SCUBE3: variants seen among roughly 807,000 people sequenced by gnomAD.
The protein encoded by SCUBE3 is signal peptide, CUB domain and EGF like domain containing 3, also known as signal peptide, CUB and EGF-like domain-containing protein 3.
Under a neutral mutation model 116.8 loss-of-function variants are expected in SCUBE3, and 33 were observed. That is an observed-to-expected ratio of 0.28 (90% CI 0.21 to 0.38). The LOEUF (loss-of-function observed/expected upper bound fraction) is 0.38, where lower values mean the gene tolerates loss of function less well. Ranked by LOEUF, SCUBE3 falls within the 10% of genes least tolerant of loss-of-function variation. The pLI, the probability that SCUBE3 is intolerant of heterozygous loss-of-function variation, is 1.00. For missense variants in SCUBE3, 1,007 were observed against 1,324.8 expected, an observed-to-expected ratio of 0.76 and a Z score of 3.72; for synonymous variants, 418 against 496.9, an observed-to-expected ratio of 0.84 and a Z score of 2.11.
rs1488949436 is a variant in SCUBE3, at chr6:35,252,872, A to T, written c.*4167A>T. 6.6e-6 allele frequency: 1 copy of T among 152,222 alleles called. No individual in the cohort carries two copies. Among genetic ancestry groups the T allele is most frequent in the Admixed American group, 6.5e-5 (1 of 15,284 alleles). 9.4% of individuals were successfully genotyped at this position (152,222 alleles called of 1,614,324 possible). On this transcript the variant is annotated 3_prime_UTR_variant, in exon 22 of 22. Coordinates refer to ENST00000274938, the MANE Select transcript of SCUBE3 (RefSeq NM_152753.4). Reference sequence around the variant, plus strand: ...TGGGAGGCTTTTTGTTAAATGCAGAAGAAATTTCAAAATATTGTATTTATA... The same window carrying T: ...TGGGAGGCTTTTTGTTAAATGCAGATGAAATTTCAAAATATTGTATTTATA...
rs1341494169 is a variant in SCUBE3 at position 35,228,755 on chromosome 6, G to A, written c.334+16G>A. On this transcript the variant is annotated intron_variant, in intron 3 of 21. Transcript: ENST00000274938. The surrounding 1 kb of genome is among the most constrained non-coding windows in gnomAD (Gnocchi z 4.9). ...AACTGTCTGGGTAAGCAAAGGAGAG[G>A]GGATTTGGTGGAGGGATGTCTTGTG... 1.2e-6 allele frequency: 2 copies of A among 1,613,380 alleles called. No homozygotes were observed. Among genetic ancestry groups the A allele is most frequent in the Admixed American group, 1.7e-5 (1 of 60,020 alleles).
rs1246001634 is a variant in SCUBE3 at position 35,233,189 on chromosome 6, A to G, written c.600A>G (p.Thr200=). ...LTKNQRDCKL[T]CNYGNGGCQH... is the part of the protein sequence containing the mutation. ...CCCTGTCCTCTCTGTGCACAGTGAC[A>G]TGCAACTATGGTAACGGCGGCTGCC... Residue 200 remains threonine (T), a synonymous_variant, in exon 6 of 22, where the codon ACA becomes ACG. Transcript: ENST00000274938. This position sits in a 1 kb window ranked among gnomAD's most constrained non-coding sequence, Gnocchi z 5.7. The G allele has an allele frequency of 1.2e-6, 2 of 1,610,790 alleles. No homozygotes were observed. The highest frequency in any genetic ancestry group is 8.5e-7 in the Non-Finnish European group (1 of 1,177,040).
In SCUBE3 at chr6:35,231,754, GGCTGTCAGCAGA is replaced by G; in HGVS notation, c.370_381del (p.Gln124_Cys127del). On this transcript the variant is annotated inframe_deletion, in exon 4 of 22. Coordinates refer to ENST00000274938, the MANE Select transcript of SCUBE3 (RefSeq NM_152753.4). The surrounding 1 kb of genome is among the most constrained non-coding windows in gnomAD (Gnocchi z 4.2). Reference sequence around the variant, plus strand: ...GGACGAGTGTGCCGAGGGCAACGGCGGCTGTCAGCAGAGCTGTGTCAACATGATGGGCAGCTA... The same window carrying G: ...GGACGAGTGTGCCGAGGGCAACGGCGGCTGTGTCAACATGATGGGCAGCTA... The G allele has an allele frequency of 6.2e-7, 1 of 1,613,238 alleles. No homozygotes were observed. Among genetic ancestry groups the G allele is most frequent in the Non-Finnish European group, 8.5e-7 (1 of 1,179,328 alleles).
intron 1 of SCUBE3, among the ~76,000 whole-genome samples, chr6:35,225,357 G>T (rs896465920): frequency 1.3e-5 from 2 of 152,216 alleles, no homozygotes; most frequent in Non-Finnish European, 2.9e-5. Flanking sequence ...ACATTTCTTT[G>T]TACTGTTTTC....
chr6:35,246,524 C>T (rs1784345633), intron 21 of SCUBE3, among the ~76,000 whole-genome samples: 1 of 152,150 alleles, frequency 6.6e-6, no homozygotes, highest in Non-Finnish European at 1.5e-5. Flanking sequence ...GCGTCACCCA[C>T]ACTATATTAC....
Position 35,231,399 on chromosome 6 carries a change from C to A in SCUBE3, c.335-326C>A, listed in dbSNP as rs772272143. Among the ~76,000 whole-genome samples, 1 of 152,212 alleles carries A rather than the reference C, an allele frequency of 6.6e-6. No homozygotes were observed. Among genetic ancestry groups the A allele is most frequent in the Non-Finnish European group, 1.5e-5 (1 of 68,040 alleles). ...TCCATCCTTACCTTCATCACTGTTC[C>A]TCTTTCTCTGGCTTCTTTCCTGGTG... On this transcript the variant is annotated intron_variant, in intron 3 of 21. Transcript: ENST00000274938. The surrounding 1 kb of genome is among the most constrained non-coding windows in gnomAD (Gnocchi z 4.2).
In SCUBE3 at chr6:35,249,021, C is replaced by G. The variant is rs1243920582; in HGVS notation, c.*316C>G. ...CTGCCCATTTTACCAGCTCACATTC[C>G]CGACCCCATCAGCTTGGAAGGGTGC... is the stretch of plus-strand genomic sequence containing the variant. On this transcript the variant is annotated 3_prime_UTR_variant, in exon 22 of 22. Transcript: ENST00000274938. 7.6e-6 allele frequency: 2 copies of G among 261,766 alleles called. No individual in the cohort carries two copies. The highest frequency in any genetic ancestry group is 1.5e-5 in the Non-Finnish European group (2 of 137,808). The allele number at this position is 261,766 out of a possible 1,614,324, so 16.2% of individuals were successfully genotyped here.
In SCUBE3 at chr6:35,241,770, A is replaced by C. The variant is rs1333796643; in HGVS notation, c.1313-36A>C. 1.3e-6 allele frequency: 2 copies of C among 1,565,860 alleles called. No homozygotes were observed. The highest frequency in any genetic ancestry group is 2.2e-5 in the South Asian group (2 of 90,200). ...TTCCTCCAGCCAGCGGGGGTTGGGA[A>C]GGCAGGTCAGAACTGTGACAGGCTC... On this transcript the variant is annotated intron_variant, in intron 11 of 21. Coordinates refer to ENST00000274938, the MANE Select transcript of SCUBE3 (RefSeq NM_152753.4). This position sits in a 1 kb window ranked among gnomAD's most constrained non-coding sequence, Gnocchi z 4.1.
At chr6:35,246,656 C>G (rs1038496016) in intron 21 of SCUBE3, among the ~76,000 whole-genome samples, 8 of 152,200 alleles carry the variant, frequency 5.3e-5, no homozygotes, top group African/African-American at 1.9e-4. Context: ...CTTCCTTCCC[C>G]TATTCTCTCC....
rs1226665341 is a variant in SCUBE3, at chr6:35,250,327, T to G, written c.*1622T>G. The G allele has an allele frequency of 1.3e-5, 2 of 152,304 alleles. No homozygotes were observed. Among genetic ancestry groups the G allele is most frequent in the Non-Finnish European group, 2.9e-5 (2 of 68,092 alleles). The allele number at this position is 152,304 out of a possible 1,614,324, so 9.4% of individuals were successfully genotyped here. ...GTAGGGAAAACCTCCATCTTTTCCC[T>G]GTCTTCATCCTGTTATCCCCTGGTG... is the stretch of plus-strand genomic sequence containing the variant. On this transcript the variant is annotated 3_prime_UTR_variant, in exon 22 of 22. Transcript: ENST00000274938.
At position 35,243,905 on chromosome 6, in the gene SCUBE3, C is replaced by A. The variant is rs1784209031; in HGVS notation, c.2072-58C>A. 2.6e-6 allele frequency: 4 copies of A among 1,567,582 alleles called. No homozygotes were observed. Among genetic ancestry groups the A allele is most frequent in the Non-Finnish European group, 3.5e-6 (4 of 1,144,704 alleles). On this transcript the variant is annotated intron_variant, in intron 16 of 21. Transcript: ENST00000274938. This position sits in a 1 kb window ranked among gnomAD's most constrained non-coding sequence, Gnocchi z 6.6. ...ACCTTTGTCCCCTGAGATCGGGTGACCCCATGGGGATGACTCAGGACCATC... is the reference window on the plus strand; with the variant it reads ...ACCTTTGTCCCCTGAGATCGGGTGAACCCATGGGGATGACTCAGGACCATC...
At position 35,244,873 on chromosome 6, in the gene SCUBE3, A is replaced by C; in HGVS notation, c.2401+62A>C. The C allele has an allele frequency of 4.6e-6, 7 of 1,538,362 alleles. No homozygotes were observed. Among genetic ancestry groups the C allele is most frequent in the Non-Finnish European group, 5.4e-6 (6 of 1,116,028 alleles). ...GAGGCCTGGGAGCAGTGGACATCTA[A>C]AGGAGGGGTGTGAAACCAACAGGGA... On this transcript the variant is annotated intron_variant, in intron 18 of 21. Coordinates refer to ENST00000274938, the MANE Select transcript of SCUBE3 (RefSeq NM_152753.4). This position sits in a 1 kb window ranked among gnomAD's most constrained non-coding sequence, Gnocchi z 4.3.
At position 35,252,665 on chromosome 6, in the gene SCUBE3, C is replaced by T. The variant is rs1201689676; in HGVS notation, c.*3960C>T. 1 of 152,074 alleles carries T rather than the reference C, an allele frequency of 6.6e-6. No homozygotes were observed. Among genetic ancestry groups the T allele is most frequent in the Non-Finnish European group, 1.5e-5 (1 of 68,012 alleles). The allele number at this position is 152,074 out of a possible 1,614,324, so 9.4% of individuals were successfully genotyped here. ...GGATATTTTTACATTTGACCCGTCT[C>T]AAAAGTAGCACACCCTATCCTTGTG... On this transcript the variant is annotated 3_prime_UTR_variant, in exon 22 of 22. Transcript: ENST00000274938.
At chr6:35,234,927 T>C (rs529402359) in intron 6 of SCUBE3, among the ~76,000 whole-genome samples, 2 of 152,306 alleles carry the variant, frequency 1.3e-5, no homozygotes, top group East Asian at 3.9e-4. Flanking sequence ...TATTCTGGGG[T>C]TTACAGCTAT....
At chr6:35,225,120 C>A (rs1287069138) in intron 1 of SCUBE3, among the ~76,000 whole-genome samples, 2 of 152,202 alleles carry the variant, frequency 1.3e-5, no homozygotes, top group African/African-American at 4.8e-5. Flanking sequence ...GATTTAATAC[C>A]ATCTCAAGCT....
chr6:35,215,101 G>A (rs888686752), intron 1 of SCUBE3, among the ~76,000 whole-genome samples: 90 of 152,298 alleles, frequency 5.9e-4, no homozygotes, highest in African/African-American at 1.7e-3. Context: ...CAGGAATGTT[G>A]CGTTTCTGCC....
chr6:35,237,448 A>G (rs913023484), intron 6 of SCUBE3, among the ~76,000 whole-genome samples: 2 of 152,160 alleles, frequency 1.3e-5, no homozygotes, highest in African/African-American at 4.8e-5. Flanking sequence ...ATCCACTTAC[A>G]ATAAGATTGT....
In SCUBE3 at chr6:35,244,244, GC is replaced by G; in HGVS notation, c.2239+117del. 1.1e-6 allele frequency: 1 copy of G among 915,952 alleles called. No individual in the cohort carries two copies. Among genetic ancestry groups the G allele is most frequent in the Non-Finnish European group, 1.6e-6 (1 of 607,512 alleles). 56.7% of individuals were successfully genotyped at this position (915,952 alleles called of 1,614,324 possible). On this transcript the variant is annotated intron_variant, in intron 17 of 21. Transcript: ENST00000274938. The surrounding 1 kb of genome is among the most constrained non-coding windows in gnomAD (Gnocchi z 4.3). ...ACCATTTTCTCCAAACCAGTAATGG[GC>G]CCAGCTACTTGACCAACCATACCAT...
In SCUBE3 at chr6:35,245,558, G is replaced by A. The variant is rs545316197; in HGVS notation, c.2599+133G>A. 9.8e-6 allele frequency: 7 copies of A among 711,354 alleles called. No homozygotes were observed. The highest frequency in any genetic ancestry group is 1.7e-5 in the Non-Finnish European group (7 of 419,834). 44.1% of individuals were successfully genotyped at this position (711,354 alleles called of 1,614,324 possible). ...ATCTATGAGGGTGAAATAGTGAGAG[G>A]CCTTTAGGAAGAGAGAAGCTAACAA... On this transcript the variant is annotated intron_variant, in intron 19 of 21. Transcript: ENST00000274938. The surrounding 1 kb of genome is among the most constrained non-coding windows in gnomAD (Gnocchi z 4.2).
Sources: allele counts gnomAD v4.1 joint callset (sites outside exome capture counted in the v4.1 genomes callset), GRCh38; gene constraint gnomAD v4.1.1; non-coding constraint Gnocchi (gnomAD v3.1); transcripts MANE v1.5; gene names NCBI Gene and HGNC (gene_info 2026-07-23, HGNC 2026-07-21).